Variants in FNBP1 observed in about 807,000 individuals in gnomAD.
FNBP1 encodes formin-binding protein 1.
Under a neutral mutation model 90.6 loss-of-function variants are expected in FNBP1, and 26 were observed. The observed-to-expected ratio is 0.29, with a 90% CI of 0.21 to 0.40. The LOEUF (loss-of-function observed/expected upper bound fraction) is 0.40. Among genes scored for constraint, FNBP1 ranks in the 10% least tolerant of loss-of-function variants. FNBP1 has a pLI of 1.00. For synonymous variants in FNBP1, 260 were observed against 265.2 expected (o/e 0.98, Z 0.19); for missense variants, 635 against 768.0 (o/e 0.83, Z 2.05).
upstream of FNBP1, among the ~76,000 whole-genome samples, chr9:130,043,700 C>T (rs12377008): frequency 9.8e-3 from 1,491 of 152,286 alleles, 13 homozygotes; most frequent in East Asian, 0.029. Flanking sequence ...CGAATAGAGA[C>T]GTCGAGGCAA....
In FNBP1 at chr9:129,960,316, T is replaced by C. The variant is rs149609366; in HGVS notation, c.346-1763A>G. 5.0e-3 allele frequency among the ~76,000 whole-genome samples: 718 copies of C among 143,236 alleles called. 4 individuals carry two copies. Among genetic ancestry groups the C allele is most frequent in the African/African-American group, 0.018 (684 of 38,316 alleles). 94.0% of individuals were successfully genotyped at this position (143,236 alleles called of 152,430 possible). Reference sequence around the variant, plus strand: ...TGCTTAAAACCTAGGGGGCTGGAGGTTGCACTGCACTGAGCCGAGATCGCG... The same window carrying C: ...TGCTTAAAACCTAGGGGGCTGGAGGCTGCACTGCACTGAGCCGAGATCGCG... On this transcript the variant is annotated intron_variant, in intron 4 of 16. Coordinates refer to ENST00000446176, the MANE Select transcript of FNBP1 (RefSeq NM_015033.3).
Position 129,966,871 on chromosome 9 carries a change from G to A in FNBP1, c.346-8318C>T, listed in dbSNP as rs1226400090. Among the ~76,000 whole-genome samples, 1 of 152,236 alleles carries A rather than the reference G, an allele frequency of 6.6e-6. No homozygotes were observed. The highest frequency in any genetic ancestry group is 6.5e-5 in the Admixed American group (1 of 15,288). ...TCTCTCTAAGGGAGAGCTGGTGGTG[G>A]CTCTGACATGGAGATGGACAGTTGG... On this transcript the variant is annotated intron_variant, in intron 4 of 16. Transcript: ENST00000446176. The surrounding 1 kb of genome is among the most constrained non-coding windows in gnomAD (Gnocchi z 4.3).
intron 2 of FNBP1, 84 bp downstream of exon 2, chr9:129,994,759 T>A (rs1427744796): frequency 1.8e-6 from 1 of 553,866 alleles, no homozygotes; most frequent in African/African-American, 2.0e-5. Context: ...ATTTAAAATA[T>A]ACATTTATAC....
chr9:129,962,605 T>A (rs993935355), intron 4 of FNBP1, among the ~76,000 whole-genome samples: 2 of 152,168 alleles, frequency 1.3e-5, no homozygotes, highest in African/African-American at 4.8e-5. Context: ...TAAGGGAATG[T>A]TTTCTTGTCT....
Position 129,931,419 on chromosome 9 carries a change from T to C in FNBP1, c.514-1724A>G, listed in dbSNP as rs554061390. ...GAGATCAAGACCATCCTGGCTAACA[T>C]GGTGAAACCCCGTCTCTACTAAAAA... On this transcript the variant is annotated intron_variant, in intron 6 of 16. Coordinates refer to ENST00000446176, the MANE Select transcript of FNBP1 (RefSeq NM_015033.3). Among the ~76,000 whole-genome samples, 84 of 151,868 alleles carry C rather than the reference T, an allele frequency of 5.5e-4. 2 individuals carry two copies. In the East Asian group the frequency reaches 0.013, roughly 24 times the overall value.
intron 10 of FNBP1, among the ~76,000 whole-genome samples, chr9:129,916,531 C>G (rs563059202): frequency 6.6e-6 from 1 of 151,484 alleles, no homozygotes; most frequent in African/African-American, 2.4e-5. Context: ...GCAGGAGAAT[C>G]GCTTGAACCT....
chr9:129,943,261 G>A (rs540320742), intron 6 of FNBP1, among the ~76,000 whole-genome samples: 2 of 152,206 alleles, frequency 1.3e-5, no homozygotes, highest in Admixed American at 1.3e-4. Context: ...AGCAACTGCT[G>A]AGCTCCTAGT....
At chr9:129,959,831 T>C (rs1433987136) in intron 4 of FNBP1, among the ~76,000 whole-genome samples, 2 of 152,074 alleles carry the variant, frequency 1.3e-5, no homozygotes, top group African/African-American at 4.8e-5. Context: ...TCACCCTCCA[T>C]CTTCCTCAGC....
chr9:129,947,348 G>A (rs990519901), intron 6 of FNBP1, among the ~76,000 whole-genome samples: 3 of 150,710 alleles, frequency 2.0e-5, no homozygotes, highest in Admixed American at 6.6e-5. Context: ...GCTGAGAAAG[G>A]AGAATTGCTT....
chr9:130,032,203 G>A (rs1174497698), intron 1 of FNBP1, among the ~76,000 whole-genome samples: 1 of 147,454 alleles, frequency 6.8e-6, no homozygotes, highest in Non-Finnish European at 1.5e-5. Context: ...GTCTTGCTCT[G>A]TCACCCAGGC....
At position 130,029,852 on chromosome 9, in the gene FNBP1, T is replaced by G. The variant is rs552241505; in HGVS notation, c.24+13100A>C. Among the ~76,000 whole-genome samples, 17 of 152,010 alleles carry G rather than the reference T, an allele frequency of 1.1e-4. No homozygotes were observed. The East Asian group carries it at 3.1e-3, about 28-fold the overall frequency. ...TGCAAAAATCAGCCTGGTGTGGTGT[T>G]GCCGGCCTGTAGTCCCAGCTACTTG... On this transcript the variant is annotated intron_variant, in intron 1 of 16. Transcript: ENST00000446176.
intron 1 of FNBP1, among the ~76,000 whole-genome samples, chr9:130,003,694 A>T (rs1226402224): frequency 2.0e-5 from 3 of 151,686 alleles, no homozygotes; most frequent in Admixed American, 1.3e-4. Context: ...GAGGCCGAGA[A>T]GGGCAGATCA....
In FNBP1 at chr9:129,887,790, TACAAC is replaced by T; in HGVS notation, c.*2744_*2748del. Reference sequence around the variant, plus strand: ...CAGGTTCTTTTAAAATTAGTCATCTTACAACACAACAGTATTCTAGCACGGTGGCG... The same window carrying T: ...CAGGTTCTTTTAAAATTAGTCATCTTACAACAGTATTCTAGCACGGTGGCG... On this transcript the variant is annotated 3_prime_UTR_variant, in exon 17 of 17. Coordinates refer to ENST00000446176, the MANE Select transcript of FNBP1 (RefSeq NM_015033.3). 4.4e-6 allele frequency: 1 copy of T among 229,398 alleles called. No individual in the cohort carries two copies. The highest frequency in any genetic ancestry group is 8.6e-6 in the Non-Finnish European group (1 of 115,668). 14.2% of individuals were successfully genotyped at this position (229,398 alleles called of 1,614,324 possible).
intron 10 of FNBP1, among the ~76,000 whole-genome samples, chr9:129,919,579 GA>G (rs2131787857): frequency 6.6e-6 from 1 of 152,268 alleles, no homozygotes; most frequent in African/African-American, 2.4e-5. Context: ...CATATTCAGT[GA>G]AACAAAATTT....
At chr9:129,986,812 AAAAAAT>A (rs2052352214) in intron 2 of FNBP1, among the ~76,000 whole-genome samples, 1 of 152,006 alleles carries the variant, frequency 6.6e-6, no homozygotes, top group Admixed American at 6.6e-5. Flanking sequence ...TTTAAAAATA[AAAAAAT>A]AAAAATAAGA....
At chr9:129,918,359 GA>G (rs1436909347) in intron 10 of FNBP1, among the ~76,000 whole-genome samples, 1 of 152,150 alleles carries the variant, frequency 6.6e-6, no homozygotes, top group Non-Finnish European at 1.5e-5. Context: ...ATTAGAAAGC[GA>G]AATCATTGGC....
At chr9:130,045,979 T>C (rs2132508511), upstream of FNBP1, among the ~76,000 whole-genome samples, 1 of 152,282 alleles carries the variant, frequency 6.6e-6, no homozygotes, top group South Asian at 2.1e-4. Context: ...AACGCTGATA[T>C]TATCTAGGGG....
rs1003004776 is a variant in FNBP1, at chr9:129,889,090, G to C, written c.*1449C>G. On this transcript the variant is annotated 3_prime_UTR_variant, in exon 17 of 17. Coordinates refer to ENST00000446176, the MANE Select transcript of FNBP1 (RefSeq NM_015033.3). The stretch of plus-strand genomic sequence containing the variant: ...CTGCTCTAAGGCGTGGCGGGGGGGG[G>C]GGGTGGTGGCCACAGATTAGGGGAC... The C allele has an allele frequency of 2.6e-4, 56 of 216,056 alleles. 1 individual carries two copies. Among genetic ancestry groups the C allele is most frequent in the African/African-American group, 1.0e-3 (45 of 44,418 alleles). The allele number at this position is 216,056 out of a possible 1,614,324, so 13.4% of individuals were successfully genotyped here. A position where few individuals can be genotyped will look rare whatever the true frequency, so the allele number is the denominator to read the frequency against.
intron 8 of FNBP1, among the ~76,000 whole-genome samples, chr9:129,926,729 A>G (rs1028406895): frequency 4.2e-5 from 5 of 119,626 alleles, no homozygotes; most frequent in Non-Finnish European, 8.7e-5. Context: ...TCTGCTAAAA[A>G]TACAGAAATT....
Sources: allele counts gnomAD v4.1 joint callset (sites outside exome capture counted in the v4.1 genomes callset), GRCh38; gene constraint gnomAD v4.1.1; non-coding constraint Gnocchi (gnomAD v3.1); transcripts MANE v1.5; gene names NCBI Gene and HGNC (gene_info 2026-07-23, HGNC 2026-07-21).